Variants in PSD2 observed in about 807,000 individuals in gnomAD.
The protein encoded by PSD2 is pleckstrin and Sec7 domain containing 2.
Under a neutral mutation model 69.8 loss-of-function variants are expected in PSD2, and 38 were observed. The ratio of observed to expected loss-of-function variants is 0.54; its 90% confidence interval spans 0.42 to 0.71. PSD2 has a LOEUF of 0.71. Ranked by LOEUF, PSD2 falls within the 30% of genes least tolerant of loss-of-function variation. The pLI is 0.00. For synonymous variants in PSD2, 412 were observed against 423.0 expected (o/e 0.97, Z 0.32); for missense variants, 943 against 1,014.5 (o/e 0.93, Z 0.96).
chr5:139,811,811 T>G lies in PSD2; in HGVS notation c.372-1498T>G, dbSNP rs567986806. On this transcript the variant is annotated intron_variant, in intron 2 of 14. Coordinates refer to ENST00000274710, the MANE Select transcript of PSD2 (RefSeq NM_032289.4). ...GGTTTCATCGTGTTAGCCAGGATGG[T>G]CTAGATCTCCTGACCTCGTGATCCA... is the stretch of plus-strand genomic sequence containing the variant. Among the ~76,000 whole-genome samples the G allele has an allele frequency of 2.0e-5, 3 of 152,304 alleles. No homozygotes were observed. In the South Asian group the frequency reaches 6.2e-4, roughly 32 times the overall value.
the PSD2 span, among the ~76,000 whole-genome samples, chr5:139,758,071 C>G: frequency 6.6e-6 from 1 of 152,074 alleles, no homozygotes. Context: ...ACAAAAAAAC[C>G]AAATGGTTTC....
At chr5:139,825,652 A>G (rs1431889650) in intron 7 of PSD2, among the ~76,000 whole-genome samples, 1 of 124,200 alleles carries the variant, frequency 8.1e-6, no homozygotes, top group Non-Finnish European at 1.6e-5. Context: ...TGGGGGTGCC[A>G]TTTCCTGAGA....
chr5:139,830,561 C>CTTTTCTTTCTTTCTTTCTTTCTTTCTTT (rs1760553735), intron 7 of PSD2, among the ~76,000 whole-genome samples: 1 of 129,600 alleles, frequency 7.7e-6, no homozygotes, highest in African/African-American at 3.5e-5. Context: ...TTCCTTCCTT[C>CTTTTCTTTCTTTCTTTCTTTCTTTCTTT]CTTCCTTTCT....
At chr5:139,779,768 G>A in the PSD2 span, among the ~76,000 whole-genome samples, 1 of 152,016 alleles carries the variant, frequency 6.6e-6, no homozygotes, top group Non-Finnish European at 1.5e-5. Flanking sequence ...CATAATCATC[G>A]AATCATGCAG....
At chr5:139,792,859 T>TTCC (rs1554093428), upstream of PSD2, among the ~76,000 whole-genome samples, 52 of 107,892 alleles carry the variant, frequency 4.8e-4, no homozygotes, top group South Asian at 1.1e-3. Context: ...TCTTTCTGTC[T>TTCC]TTCCTTCCTT....
Position 139,813,755 on chromosome 5 carries a change from C to T in PSD2, c.818C>T (p.Ala273Val), listed in dbSNP as rs1408483656. 1.3e-6 allele frequency: 2 copies of T among 1,598,366 alleles called. No individual in the cohort carries two copies. Among genetic ancestry groups the T allele is most frequent in the Non-Finnish European group, 1.7e-6 (2 of 1,170,334 alleles). Residue 273 changes from alanine (A) to valine (V), a missense_variant, in exon 3 of 15, where the codon GCC becomes GTC. Physicochemically the swap from Ala to Val is moderately conservative, Grantham distance 64. Transcript: ENST00000274710. ...GACACGGACAAGTTGCTGAACTCAGCCAGGTGAGGCAGGGCCCAGGCTGGG... is the reference window on the plus strand; with the variant it reads ...GACACGGACAAGTTGCTGAACTCAGTCAGGTGAGGCAGGGCCCAGGCTGGG... ...EEDTDKLLNS[A>V]SDPSLKDGLS...
chr5:139,805,380 A>T (rs1294526761), intron 1 of PSD2, among the ~76,000 whole-genome samples: 1 of 152,238 alleles, frequency 6.6e-6, no homozygotes, highest in Non-Finnish European at 1.5e-5. Context: ...CCTCTGCCAC[A>T]AATAGGCATG....
At chr5:139,782,620 G>A in the PSD2 span, among the ~76,000 whole-genome samples, 1 of 151,248 alleles carries the variant, frequency 6.6e-6, no homozygotes, top group Admixed American at 6.6e-5. Context: ...AGCCTCCCAA[G>A]TAGCTGGGAC....
At chr5:139,742,831 G>C in the PSD2 span, among the ~76,000 whole-genome samples, 1 of 152,220 alleles carries the variant, frequency 6.6e-6, no homozygotes, top group Non-Finnish European at 1.5e-5. Context: ...GCTCCCTCTG[G>C]CTCAAGAGAA....
At chr5:139,765,966 C>T in the PSD2 span, among the ~76,000 whole-genome samples, 1 of 152,302 alleles carries the variant, frequency 6.6e-6, no homozygotes, top group Non-Finnish European at 1.5e-5. Flanking sequence ...CTCTCTTTCC[C>T]TGTCCTCCTT....
At chr5:139,775,007 T>G in the PSD2 span, among the ~76,000 whole-genome samples, 1 of 152,096 alleles carries the variant, frequency 6.6e-6, no homozygotes, top group Non-Finnish European at 1.5e-5. Flanking sequence ...GACCGTACTG[T>G]GCCGCCGCCC....
At chr5:139,828,140 A>G (rs1760477867) in intron 7 of PSD2, among the ~76,000 whole-genome samples, 1 of 152,100 alleles carries the variant, frequency 6.6e-6, no homozygotes, top group South Asian at 2.1e-4. Context: ...CAGCCATGAG[A>G]AAATGGCAGT....
At chr5:139,822,037 C>T (rs753638110) in intron 6 of PSD2, 32 bp downstream of exon 6, 4 of 1,417,362 alleles carry the variant, frequency 2.8e-6, no homozygotes, top group Non-Finnish European at 3.9e-6. Flanking sequence ...GCCTGACCCT[C>T]CCCACCCACT....
intron 5 of PSD2, among the ~76,000 whole-genome samples, chr5:139,820,836 T>TCC (rs1196065896): frequency 6.6e-6 from 1 of 151,572 alleles, no homozygotes; most frequent in Non-Finnish European, 1.5e-5. Flanking sequence ...AGCAGGCGGG[T>TCC]ATGAGGTTGG....
chr5:139,835,915 T>A, intron 9 of PSD2, 149 bp downstream of exon 9: 1 of 732,676 alleles, frequency 1.4e-6, no homozygotes, highest in Non-Finnish European at 2.4e-6. Flanking sequence ...GGCGCACACC[T>A]GGTGTTGAAT....
At position 139,798,209 on chromosome 5, in the gene PSD2, C is replaced by G. The variant is rs186572727; in HGVS notation, c.-51+2234C>G. ...GGAGTTGGGTGGGCTTGGGGCCAGA[C>G]CTGGCTCCTTGCCACAGCTCAATGG... On this transcript the variant is annotated intron_variant, in intron 1 of 14. Transcript: ENST00000274710. Among the ~76,000 whole-genome samples the G allele has an allele frequency of 3.9e-3, 593 of 152,330 alleles. 2 individuals are homozygous for G. The highest frequency in any genetic ancestry group is 0.014 in the African/African-American group (569 of 41,572).
chr5:139,804,946 CG>C (rs1452916993), intron 1 of PSD2, among the ~76,000 whole-genome samples: 1 of 149,374 alleles, frequency 6.7e-6, no homozygotes, highest in Non-Finnish European at 1.5e-5. Flanking sequence ...TGTGTCTGCA[CG>C]TGTGCGTGTG....
At chr5:139,835,389 C>A (rs1309957265) in intron 8 of PSD2, among the ~76,000 whole-genome samples, 1 of 152,218 alleles carries the variant, frequency 6.6e-6, no homozygotes, top group East Asian at 1.9e-4. Context: ...ATCCTCCCAT[C>A]CATTCATTTA....
At chr5:139,793,872 C>T (rs1171264602), upstream of PSD2, among the ~76,000 whole-genome samples, 1 of 152,204 alleles carries the variant, frequency 6.6e-6, no homozygotes, top group African/African-American at 2.4e-5. Context: ...CTACCATCCT[C>T]ATTGGGCAGA....
Sources: allele counts gnomAD v4.1 joint callset (sites outside exome capture counted in the v4.1 genomes callset), GRCh38; gene constraint gnomAD v4.1.1; transcripts MANE v1.5; gene names NCBI Gene and HGNC (gene_info 2026-07-23, HGNC 2026-07-21).